FER: variants seen among roughly 807,000 people sequenced by gnomAD.
FER encodes FER tyrosine kinase.
A neutral mutation model predicts 111.0 loss-of-function variants in FER; 63 were observed. The observed-to-expected ratio is 0.57, with a 90% CI of 0.46 to 0.70. FER has a LOEUF of 0.70. FER is among the 30% of genes least tolerant of loss of function. The probability of loss-of-function intolerance (pLI) is 0.00; values close to 1 mark genes in which losing one functional copy is unlikely to be tolerated. For missense variants in FER, 914 were observed against 954.0 expected (o/e 0.96, Z 0.55); for synonymous variants, 327 against 313.9 (o/e 1.04, Z -0.44).
chr5:108,907,486 G>A (rs1372638321), intron 10 of FER, among the ~76,000 whole-genome samples: 1 of 151,750 alleles, frequency 6.6e-6, no homozygotes, highest in African/African-American at 2.4e-5. Context: ...ATAGAGACGG[G>A]GTTTTATCAT....
chr5:109,010,805 A>G (rs1277280922), intron 13 of FER, among the ~76,000 whole-genome samples: 3 of 152,182 alleles, frequency 2.0e-5, no homozygotes, highest in Non-Finnish European at 2.9e-5. Context: ...GCCATTATTC[A>G]GGTTTCCATT....
chr5:109,043,381 C>T (rs529477188), intron 14 of FER, among the ~76,000 whole-genome samples: 92 of 152,022 alleles, frequency 6.1e-4, no homozygotes, highest in African/African-American at 1.1e-3. Flanking sequence ...AAATTTATCA[C>T]GAATGTTTAC....
chr5:108,882,948 A>G (rs910197568), intron 8 of FER, among the ~76,000 whole-genome samples: 1 of 151,222 alleles, frequency 6.6e-6, no homozygotes. Flanking sequence ...TAAAATGACA[A>G]ATAACTGAGC....
intron 17 of FER, among the ~76,000 whole-genome samples, chr5:109,112,568 T>C (rs1398972425): frequency 6.6e-6 from 1 of 152,130 alleles, no homozygotes; most frequent in Non-Finnish European, 1.5e-5. Flanking sequence ...TGGCTGCACC[T>C]CTCTCACTCT....
intron 8 of FER, among the ~76,000 whole-genome samples, chr5:108,876,605 G>A (rs536682328): frequency 2.2e-4 from 34 of 152,258 alleles, no homozygotes; most frequent in African/African-American, 8.2e-4. Flanking sequence ...TTTTGTTATT[G>A]AATTAGATGA....
At chr5:108,760,507 GT>G (rs774886524) in intron 1 of FER, among the ~76,000 whole-genome samples, 55 of 152,210 alleles carry the variant, frequency 3.6e-4, no homozygotes, top group Admixed American at 5.2e-4. Flanking sequence ...GTTGTTTAGT[GT>G]AGCCAAATTC....
At chr5:108,771,234 C>T (rs1375799678) in intron 2 of FER, among the ~76,000 whole-genome samples, 2 of 152,160 alleles carry the variant, frequency 1.3e-5, no homozygotes, top group East Asian at 3.9e-4. Context: ...ATGCCCGGCC[C>T]CTCTGAAGAA....
intron 11 of FER, among the ~76,000 whole-genome samples, chr5:108,946,962 C>T (rs1031201758): frequency 2.0e-5 from 3 of 151,950 alleles, no homozygotes; most frequent in African/African-American, 7.2e-5. Context: ...TGACCTTTTG[C>T]ATGTAGTTTC....
At chr5:108,833,063 T>C (rs1285901689) in intron 4 of FER, 120 bp downstream of exon 4, 3 of 796,874 alleles carry the variant, frequency 3.8e-6, no homozygotes, top group Admixed American at 2.9e-5. Flanking sequence ...AATAGGTTTA[T>C]GGTCTCTAAT....
At chr5:108,969,055 T>C (rs546039920) in intron 13 of FER, among the ~76,000 whole-genome samples, 1 of 152,292 alleles carries the variant, frequency 6.6e-6, no homozygotes, top group South Asian at 2.1e-4. Context: ...AAAATGCTCT[T>C]TGATACTTTG....
chr5:108,986,196 G>T (rs1340536905), intron 13 of FER, among the ~76,000 whole-genome samples: 1 of 151,838 alleles, frequency 6.6e-6, no homozygotes, highest in East Asian at 1.9e-4. Context: ...TAATGATGTT[G>T]AGCATTTCAT....
rs1019065660 is a variant in FER, at chr5:109,190,551, A to C, written c.*2976A>C. 1 of 152,184 alleles carries C rather than the reference A, an allele frequency of 6.6e-6. No individual in the cohort carries two copies. Among genetic ancestry groups the C allele is most frequent in the Non-Finnish European group, 1.5e-5 (1 of 68,016 alleles). 9.4% of individuals were successfully genotyped at this position (152,184 alleles called of 1,614,324 possible). On this transcript the variant is annotated 3_prime_UTR_variant, in exon 20 of 20. Transcript: ENST00000281092. ...TGTTAAATTAACATTTATTACCAAC[A>C]TGTGAAACCTAAAATTAATTTTGCA...
rs1438216385 is a variant in FER at position 108,835,818 on chromosome 5, A to AT, written c.481+15dup. Reference sequence around the variant, plus strand: ...AAGCTTTAGCTAAAGGTAAGGCAAAATTTTAAAAATTGTTTACTTAGGTGA... The same window carrying AT: ...AAGCTTTAGCTAAAGGTAAGGCAAAATTTTTAAAAATTGTTTACTTAGGTGA... On this transcript the variant is annotated intron_variant, in intron 5 of 19. Coordinates refer to ENST00000281092, the MANE Select transcript of FER (RefSeq NM_005246.4). 6.8e-7 allele frequency: 1 copy of AT among 1,472,752 alleles called. No individual in the cohort carries two copies. The highest frequency in any genetic ancestry group is 9.2e-7 in the Non-Finnish European group (1 of 1,090,202). 91.2% of individuals were successfully genotyped at this position (1,472,752 alleles called of 1,614,324 possible).
chr5:109,113,492 A>G (rs1749870170), intron 17 of FER, among the ~76,000 whole-genome samples: 1 of 152,200 alleles, frequency 6.6e-6, no homozygotes, highest in Non-Finnish European at 1.5e-5. Context: ...GTGGAAGGAA[A>G]GACATTCTCT....
chr5:108,934,087 G>T (rs1405028500), intron 10 of FER, among the ~76,000 whole-genome samples: 1 of 152,118 alleles, frequency 6.6e-6, no homozygotes, highest in Non-Finnish European at 1.5e-5. Flanking sequence ...GCCCTGGCGA[G>T]AACTTTCAAT....
At chr5:109,165,624 GTGTGTGTGTGTGTGTA>G (rs1377687992) in intron 17 of FER, among the ~76,000 whole-genome samples, 21 of 102,908 alleles carry the variant, frequency 2.0e-4, no homozygotes, top group African/African-American at 6.2e-4. Context: ...GTGTGTGTGT[GTGTGTGTGTGTGTGTA>G]TACACACATA....
intron 1 of FER, among the ~76,000 whole-genome samples, chr5:108,767,506 A>G (rs1752452041): frequency 6.6e-6 from 1 of 152,092 alleles, no homozygotes; most frequent in Non-Finnish European, 1.5e-5. Context: ...TCGGTTTTTG[A>G]GACAGTCTTG....
chr5:108,944,681 G>A, intron 10 of FER, among the ~76,000 whole-genome samples: 1 of 151,948 alleles, frequency 6.6e-6, no homozygotes, highest in South Asian at 2.1e-4. Context: ...TGACAAATGA[G>A]TTTCATGTTT....
At chr5:108,939,508 G>A (rs1051541412) in intron 10 of FER, among the ~76,000 whole-genome samples, 25 of 152,000 alleles carry the variant, frequency 1.6e-4, no homozygotes, top group African/African-American at 5.3e-4. Context: ...TTTTCATTTC[G>A]CAGCTCTACC....
Sources: allele counts gnomAD v4.1 joint callset (sites outside exome capture counted in the v4.1 genomes callset), GRCh38; gene constraint gnomAD v4.1.1; transcripts MANE v1.5; gene names NCBI Gene and HGNC (gene_info 2026-07-23, HGNC 2026-07-21).